NBAS: variants seen among roughly 807,000 people sequenced by gnomAD.
NBAS encodes the protein NBAS subunit of NRZ tethering complex.
A neutral mutation model predicts 302.5 loss-of-function variants in NBAS; 219 were observed. The observed-to-expected ratio is 0.72, with a 90% CI of 0.65 to 0.81. The LOEUF (loss-of-function observed/expected upper bound fraction) is 0.81, where lower values mean the gene tolerates loss of function less well. Ranked by LOEUF, NBAS falls within the 30% of genes least tolerant of loss-of-function variation. The pLI is 0.00. For synonymous variants in NBAS, 1,118 were observed against 1,021.6 expected (o/e 1.09, Z -1.80); for missense variants, 2,932 against 2,841.6 (o/e 1.03, Z -0.72).
chr2:14,783,096 C>A, the NBAS span, among the ~76,000 whole-genome samples: 23 of 151,888 alleles, frequency 1.5e-4, no homozygotes, highest in East Asian at 3.9e-3. Context: ...CACATGTACC[C>A]CTGAACCGAA....
At chr2:15,142,240 G>A in the NBAS span, among the ~76,000 whole-genome samples, 1 of 152,208 alleles carries the variant, frequency 6.6e-6, no homozygotes, top group Non-Finnish European at 1.5e-5. Flanking sequence ...GCAGCAGGAA[G>A]GAGATAATAG....
chr2:15,158,220 G>A, the NBAS span, among the ~76,000 whole-genome samples: 15 of 152,190 alleles, frequency 9.9e-5, no homozygotes, highest in Non-Finnish European at 1.8e-4. Flanking sequence ...TAGCTCCACG[G>A]TGAACAGACA....
At chr2:15,468,894 T>C (rs1384678295) in intron 16 of NBAS, among the ~76,000 whole-genome samples, 1 of 152,252 alleles carries the variant, frequency 6.6e-6, no homozygotes, top group Middle Eastern at 3.2e-3. Context: ...AGGCAAGATA[T>C]ATTCTGTCAT....
the NBAS span, among the ~76,000 whole-genome samples, chr2:14,812,561 T>C: frequency 3.9e-5 from 6 of 152,204 alleles, no homozygotes; most frequent in Non-Finnish European, 5.9e-5. Flanking sequence ...GTTCCAACCA[T>C]AGCACTAGGA....
In NBAS at chr2:15,461,231, T is replaced by C. The variant is rs746354338; in HGVS notation, c.2309A>G (p.His770Arg). The C allele has an allele frequency of 3.1e-6, 5 of 1,613,732 alleles. No homozygotes were observed. Among genetic ancestry groups the C allele is most frequent in the Middle Eastern group, 1.6e-4 (1 of 6,082 alleles). ...TTCGGGCAGCAAAACAGAATATTCA[T>C]GTGGAGAAGTGGTCTCTGGAAAGTT... ...LSNFPETTSP[H>R]EYSVLLPEAC... The change falls in exon 21 of 52, where the codon CAT (histidine) becomes CGT (arginine). Residue 770 changes from histidine to arginine, a missense_variant. Coordinates refer to ENST00000281513, the MANE Select transcript of NBAS (RefSeq NM_015909.4).
Position 15,374,676 on chromosome 2 carries a change from T to C in NBAS, c.3635A>G (p.Glu1212Gly), listed in dbSNP as rs749542650. ...LITDRPPAIQ[E>G]ELDLIQAVGC... Reference sequence around the variant, plus strand: ...AACGGCTTGGATAAGATCTAGCTCCTCTTGAATGGCAGGGGGTCTGTCTGT... The same window carrying C: ...AACGGCTTGGATAAGATCTAGCTCCCCTTGAATGGCAGGGGGTCTGTCTGT... Residue 1212 changes from glutamate (E) to glycine (G), a missense_variant, in exon 31 of 52, where the codon GAG becomes GGG. Coordinates refer to ENST00000281513, the MANE Select transcript of NBAS (RefSeq NM_015909.4). 7 of 1,613,872 alleles carry C rather than the reference T, an allele frequency of 4.3e-6. No individual in the cohort carries two copies. The highest frequency in any genetic ancestry group is 3.3e-5 in the South Asian group (3 of 91,084).
chr2:15,375,033 G>A (rs1438547914), intron 30 of NBAS, among the ~76,000 whole-genome samples: 2 of 152,112 alleles, frequency 1.3e-5, no homozygotes, highest in African/African-American at 4.8e-5. Flanking sequence ...CGTTTTTACT[G>A]TTGAATGCAA....
At chr2:15,067,356 A>G in the NBAS span, among the ~76,000 whole-genome samples, 5 of 66,868 alleles carry the variant, frequency 7.5e-5, 1 homozygote, top group Non-Finnish European at 1.9e-4. Flanking sequence ...AGAAAAGAAA[A>G]GGAAAAAAGA....
intron 12 of NBAS, among the ~76,000 whole-genome samples, chr2:15,485,324 C>T (rs1419329073): frequency 6.6e-6 from 1 of 152,040 alleles, no homozygotes; most frequent in Non-Finnish European, 1.5e-5. Flanking sequence ...GTCCTCCTAA[C>T]CTTTTACATA....
chr2:14,905,469 G>A, the NBAS span, among the ~76,000 whole-genome samples: 1 of 152,132 alleles, frequency 6.6e-6, no homozygotes, highest in Non-Finnish European at 1.5e-5. Context: ...CCCGCTCGGT[G>A]GCTGCGGGAG....
At chr2:15,005,463 T>C in the NBAS span, among the ~76,000 whole-genome samples, 1 of 152,250 alleles carries the variant, frequency 6.6e-6, no homozygotes, top group Non-Finnish European at 1.5e-5. Context: ...ACAGTCAGAA[T>C]AACTCTGGGA....
chr2:15,385,084 T>A (rs1675222936), intron 28 of NBAS, among the ~76,000 whole-genome samples: 1 of 152,242 alleles, frequency 6.6e-6, no homozygotes, highest in South Asian at 2.1e-4. Flanking sequence ...AAAGAACAAT[T>A]ACTCTTGTTC....
At chr2:15,367,258 A>G (rs188281015) in intron 31 of NBAS, among the ~76,000 whole-genome samples, 29 of 152,248 alleles carry the variant, frequency 1.9e-4, no homozygotes, top group Admixed American at 1.9e-3. Flanking sequence ...ACCAATTCAA[A>G]CTATAAAGAA....
At chr2:14,916,062 G>A in the NBAS span, among the ~76,000 whole-genome samples, 199 of 152,148 alleles carry the variant, frequency 1.3e-3, no homozygotes, top group Non-Finnish European at 2.1e-3. Context: ...GCATGAAAAC[G>A]GACTAATACA....
chr2:14,871,126 A>G, the NBAS span, among the ~76,000 whole-genome samples: 770 of 152,216 alleles, frequency 5.1e-3, 11 homozygotes, highest in African/African-American at 0.018. Context: ...AAAGATTGAA[A>G]AAACAAAAAA....
intron 23 of NBAS, among the ~76,000 whole-genome samples, chr2:15,418,833 C>A (rs567678305): frequency 1.3e-5 from 2 of 152,184 alleles, no homozygotes; most frequent in South Asian, 4.1e-4. Context: ...GAGGGACGGG[C>A]CGGATCATGA....
intron 35 of NBAS, among the ~76,000 whole-genome samples, chr2:15,340,839 A>G (rs1169615476): frequency 6.6e-6 from 1 of 152,174 alleles, no homozygotes; most frequent in African/African-American, 2.4e-5. Context: ...CTTATAGGTC[A>G]AATAAAACAA....
intron 41 of NBAS, among the ~76,000 whole-genome samples, chr2:15,290,272 A>G (rs568088218): frequency 6.6e-6 from 1 of 152,318 alleles, no homozygotes; most frequent in East Asian, 1.9e-4. Context: ...ACCCAGCTCC[A>G]CAGTAGAAGA....
chr2:14,869,692 G>A, the NBAS span, among the ~76,000 whole-genome samples: 3 of 152,040 alleles, frequency 2.0e-5, no homozygotes, highest in African/African-American at 7.2e-5. Context: ...CCTCAACTCC[G>A]AGATTTCTGA....
Sources: allele counts gnomAD v4.1 joint callset (sites outside exome capture counted in the v4.1 genomes callset), GRCh38; gene constraint gnomAD v4.1.1; transcripts MANE v1.5; gene names NCBI Gene and HGNC (gene_info 2026-07-23, HGNC 2026-07-21).